Variants in CX3CL1 observed in about 807,000 individuals in gnomAD.
CX3CL1 encodes the protein C-X3-C motif chemokine ligand 1, also known as fractalkine.
Under a neutral mutation model 14.1 loss-of-function variants are expected in CX3CL1, and 1 was observed. The observed-to-expected ratio is 0.07, with a 90% CI of 0.03 to 0.34. The LOEUF is 0.34. Among genes scored for constraint, CX3CL1 ranks in the 10% least tolerant of loss-of-function variants. The pLI, the probability that CX3CL1 is intolerant of heterozygous loss-of-function variation, is 0.99. For missense variants in CX3CL1, 505 were observed against 536.4 expected (o/e 0.94, Z 0.58); for synonymous variants, 255 against 229.6 (o/e 1.11, Z -1.00).
Position 57,382,326 on chromosome 16 carries a change from G to T in CX3CL1, c.488G>T (p.Gly163Val). 6.2e-7 allele frequency: 1 copy of T among 1,605,678 alleles called. No individual in the cohort carries two copies. The highest frequency in any genetic ancestry group is 8.5e-7 in the Non-Finnish European group (1 of 1,176,898). The change falls in exon 3 of 3, where the codon GGT becomes GTT. Residue 163 changes from glycine to valine, a missense_variant. Coordinates refer to ENST00000006053, the MANE Select transcript of CX3CL1 (RefSeq NM_002996.6). The surrounding 1 kb of genome is among the most constrained non-coding windows in gnomAD (Gnocchi z 6.9). The stretch of plus-strand genomic sequence containing the variant: ...CCAGAGCTGCCGACGGGCGTGACTG[G>T]TTCCTCAGGGACCAGGCTCCCCCCG... Reference protein sequence around the residue: ...TSPELPTGVTGSSGTRLPPTP... With the variant: ...TSPELPTGVTVSSGTRLPPTP...
chr16:57,373,780 C>A (rs1902209537), intron 1 of CX3CL1, among the ~76,000 whole-genome samples: 1 of 152,302 alleles, frequency 6.6e-6, no homozygotes, highest in East Asian at 1.9e-4. Context: ...TGCTTTGCCA[C>A]AGTCCTGTTA....
Position 57,382,272 on chromosome 16 carries a change from A to G in CX3CL1, c.434A>G (p.Gln145Arg). 3 of 1,608,396 alleles carry G rather than the reference A, an allele frequency of 1.9e-6. No individual in the cohort carries two copies. Among genetic ancestry groups the G allele is most frequent in the Non-Finnish European group, 2.5e-6 (3 of 1,176,612 alleles). The change falls in exon 3 of 3, where the codon CAG becomes CGG. Residue 145 changes from glutamine (Q) to arginine (R), a missense_variant. By Grantham distance (43) the Gln-to-Arg change is conservative. Transcript: ENST00000006053. The surrounding 1 kb of genome is among the most constrained non-coding windows in gnomAD (Gnocchi z 6.9). ...SSSLEPTPSS[Q>R]EAQRALGTSP... ...AGCCTGGAGCCGACTCCTTCTTCCC[A>G]GGAAGCACAGAGGGCCCTGGGGACC...
intron 1 of CX3CL1, among the ~76,000 whole-genome samples, chr16:57,376,613 C>T (rs530323840): frequency 1.9e-4 from 29 of 149,534 alleles, no homozygotes; most frequent in Non-Finnish European, 3.1e-4. Context: ...TAAAAGGGGG[C>T]GGAAGATTGA....
At chr16:57,381,887 T>A (rs1902324316) in intron 2 of CX3CL1, 143 bp from the exon 3 acceptor site, 1 of 834,858 alleles carries the variant, frequency 1.2e-6, no homozygotes, top group Non-Finnish European at 1.8e-6. Flanking sequence ...GCTGGTCAGT[T>A]GCCTCACAGA....
At position 57,382,776 on chromosome 16, in the gene CX3CL1, A is replaced by T; in HGVS notation, c.938A>T (p.Glu313Val). ...GGCAGCTGGACCCCTAAGGCTGAGG[A>T]ACCCATCCATGCCACCATGGACCCC... Reference protein sequence around the residue: ...ASGSWTPKAEEPIHATMDPQR... With the variant: ...ASGSWTPKAEVPIHATMDPQR... Residue 313 changes from glutamate (E) to valine (V), a missense_variant, in exon 3 of 3, where the codon GAA becomes GTA. Physicochemically the swap from Glu to Val is moderately radical, Grantham distance 121. Coordinates refer to ENST00000006053, the MANE Select transcript of CX3CL1 (RefSeq NM_002996.6). The surrounding 1 kb of genome is among the most constrained non-coding windows in gnomAD (Gnocchi z 6.9). The T allele has an allele frequency of 6.2e-7, 1 of 1,610,118 alleles. No individual in the cohort carries two copies. The highest frequency in any genetic ancestry group is 1.1e-5 in the South Asian group (1 of 90,948).
At chr16:57,381,438 G>A (rs146600868) in intron 2 of CX3CL1, among the ~76,000 whole-genome samples, 5 of 152,172 alleles carry the variant, frequency 3.3e-5, no homozygotes, top group African/African-American at 7.2e-5. Flanking sequence ...AGAGGGGCCC[G>A]GAGCACAGCC....
chr16:57,382,019 C>T lies in CX3CL1; in HGVS notation c.192-11C>T. 6.4e-7 allele frequency: 1 copy of T among 1,561,162 alleles called. No homozygotes were observed. The highest frequency in any genetic ancestry group is 1.2e-5 in the South Asian group (1 of 83,806). On this transcript the variant is annotated splice_polypyrimidine_tract_variant and intron_variant, in intron 2 of 2. Transcript: ENST00000006053. This position sits in a 1 kb window ranked among gnomAD's most constrained non-coding sequence, Gnocchi z 6.9. ...TGGGCATAACCGAATCCCTGTCTTC[C>T]TCCCTTGTAGCTTGGAGACGAGACA...
At chr16:57,380,718 G>A (rs1902307976) in intron 2 of CX3CL1, among the ~76,000 whole-genome samples, 1 of 152,080 alleles carries the variant, frequency 6.6e-6, no homozygotes, top group Non-Finnish European at 1.5e-5. Flanking sequence ...TGAAGACCCT[G>A]GCAATCTTGG....
Position 57,383,192 on chromosome 16 carries a change from C to CA in CX3CL1, c.*161dup, listed in dbSNP as rs1481480628. The CA allele has an allele frequency of 3.3e-5, 20 of 598,054 alleles. No individual in the cohort carries two copies. Among genetic ancestry groups the CA allele is most frequent in the Non-Finnish European group, 4.5e-5 (18 of 398,054 alleles). 37.0% of individuals were successfully genotyped at this position (598,054 alleles called of 1,614,324 possible). A position where few individuals can be genotyped will look rare whatever the true frequency, so the allele number is the denominator to read the frequency against. On this transcript the variant is annotated 3_prime_UTR_variant, in exon 3 of 3. Transcript: ENST00000006053. ...AAGCTCCAAGCTCCCAGGCATTCCCCAGGAGGCCAGCCTTGACCATTCTCC... is the reference window on the plus strand; with the variant it reads ...AAGCTCCAAGCTCCCAGGCATTCCCCAAGGAGGCCAGCCTTGACCATTCTCC...
intron 1 of CX3CL1, among the ~76,000 whole-genome samples, chr16:57,373,230 C>A (rs1597994941): frequency 6.6e-6 from 1 of 152,312 alleles, no homozygotes; most frequent in Non-Finnish European, 1.5e-5. Flanking sequence ...ATGCTGTCTT[C>A]CTCCTCCAAG....
At chr16:57,378,144 A>G (rs1902269245) in intron 1 of CX3CL1, 1 of 152,192 alleles carries the variant, frequency 6.6e-6, no homozygotes, top group Non-Finnish European at 1.5e-5. Flanking sequence ...AGGATGACTC[A>G]GTACCTTTCA....
At chr16:57,377,260 T>C (rs965981140) in intron 1 of CX3CL1, 1 of 152,316 alleles carries the variant, frequency 6.6e-6, no homozygotes, top group Middle Eastern at 3.4e-3. Context: ...CTGCAGGCCA[T>C]TTTAGGGGAC....
chr16:57,374,275 G>A (rs1902216401), intron 1 of CX3CL1, among the ~76,000 whole-genome samples: 2 of 152,024 alleles, frequency 1.3e-5, no homozygotes, highest in African/African-American at 4.8e-5. Context: ...CGTAGCTGCT[G>A]CCCTGACTAG....
Position 57,383,094 on chromosome 16 carries a change from T to G in CX3CL1, c.*62T>G. The G allele has an allele frequency of 7.5e-7, 1 of 1,329,230 alleles. No individual in the cohort carries two copies. The highest frequency in any genetic ancestry group is 9.8e-7 in the Non-Finnish European group (1 of 1,024,400). 82.3% of individuals were successfully genotyped at this position (1,329,230 alleles called of 1,614,324 possible). A position where few individuals can be genotyped will look rare whatever the true frequency, so the allele number is the denominator to read the frequency against. ...AGCTGCCTGGGATCCCTCATCCTCA[T>G]ACCCACCCCCACCCAAGGGCCTGGC... On this transcript the variant is annotated 3_prime_UTR_variant, in exon 3 of 3. Transcript: ENST00000006053.
chr16:57,376,492 G>GGA (rs1567553055), intron 1 of CX3CL1, among the ~76,000 whole-genome samples: 107 of 115,034 alleles, frequency 9.3e-4, no homozygotes, highest in Non-Finnish European at 1.0e-3. Context: ...GGATGGATGG[G>GGA]TGGATAGATG....
At chr16:57,378,713 C>G (rs1335462965) in intron 1 of CX3CL1, 2 of 152,126 alleles carry the variant, frequency 1.3e-5, no homozygotes. Context: ...ATCTATCTGT[C>G]TCGGCCTCCC....
rs1383334421 is a variant in CX3CL1, at chr16:57,382,946, C to T, written c.1108C>T (p.Arg370Ter). Residue 370 changes from arginine to a stop codon, truncating the protein, a stop_gained, in exon 3 of 3, where the codon CGA becomes TGA. Coordinates refer to ENST00000006053, the MANE Select transcript of CX3CL1 (RefSeq NM_002996.6). LOFTEE classifies it high-confidence loss of function. The surrounding 1 kb of genome is among the most constrained non-coding windows in gnomAD (Gnocchi z 6.9). ...FTYQSLQGCP[R>*]KMAGEMAEGL... ...CTACCAGAGCCTCCAGGGCTGCCCTCGAAAGATGGCAGGAGAGATGGCGGA... is the reference window on the plus strand; with the variant it reads ...CTACCAGAGCCTCCAGGGCTGCCCTTGAAAGATGGCAGGAGAGATGGCGGA... 2 of 1,519,532 alleles carry T rather than the reference C, an allele frequency of 1.3e-6. No homozygotes were observed. Among genetic ancestry groups the T allele is most frequent in the African/African-American group, 1.4e-5 (1 of 71,974 alleles). The allele number at this position is 1,519,532 out of a possible 1,614,324, so 94.1% of individuals were successfully genotyped here. A position where few individuals can be genotyped will look rare whatever the true frequency, so the allele number is the denominator to read the frequency against.
chr16:57,376,612 G>A (rs1177233485), intron 1 of CX3CL1, among the ~76,000 whole-genome samples: 4 of 151,912 alleles, frequency 2.6e-5, no homozygotes, highest in African/African-American at 9.7e-5. Context: ...ATAAAAGGGG[G>A]CGGAAGATTG....
chr16:57,376,674 A>G (rs1331486023), intron 1 of CX3CL1, among the ~76,000 whole-genome samples: 1 of 151,914 alleles, frequency 6.6e-6, no homozygotes, highest in Non-Finnish European at 1.5e-5. Flanking sequence ...ATGGAGATGA[A>G]TAGGGGTTGG....
Sources: gnomAD v4.1 joint callset for allele counts (sites outside exome capture counted in the v4.1 genomes callset) on GRCh38, gnomAD v4.1.1 for gene constraint, Gnocchi (gnomAD v3.1) non-coding constraint, MANE v1.5 for transcripts, NCBI Gene and HGNC (gene_info 2026-07-23, HGNC 2026-07-21) for gene names.